KAT6A: variants seen among roughly 807,000 people sequenced by gnomAD.
KAT6A encodes lysine acetyltransferase 6A.
KAT6A carries 9 observed loss-of-function variants against 198.4 expected under a neutral mutation model. The observed-to-expected ratio is 0.05, with a 90% CI of 0.03 to 0.08. The LOEUF is 0.08. Ranked by LOEUF, KAT6A falls within the 10% of genes least tolerant of loss-of-function variation. The probability of loss-of-function intolerance (pLI) is 1.00; values close to 1 mark genes in which losing one functional copy is unlikely to be tolerated. For synonymous variants in KAT6A, 890 were observed against 883.0 expected (o/e 1.01, Z -0.14); for missense variants, 2,077 against 2,509.9 (o/e 0.83, Z 3.69).
intron 2 of KAT6A, among the ~76,000 whole-genome samples, chr8:41,991,370 C>G (rs1171731010): frequency 2.0e-5 from 3 of 151,856 alleles, no homozygotes; most frequent in Non-Finnish European, 4.4e-5. Flanking sequence ...ATTGAAAGAA[C>G]AGAAAAAAGA....
At position 41,931,299 on chromosome 8, in the gene KAT6A, G is replaced by T. The variant is rs921895948; in HGVS notation, c.*906C>A. 3.2e-5 allele frequency: 7 copies of T among 218,490 alleles called. No individual in the cohort carries two copies. The highest frequency in any genetic ancestry group is 1.6e-4 in the African/African-American group (7 of 44,398). The allele number at this position is 218,490 out of a possible 1,614,324, so 13.5% of individuals were successfully genotyped here. ...TGTGTGCGTTATGGCTGATTCACCA[G>T]GTGGTAAAAAAACAAGAGGTTAATC... On this transcript the variant is annotated 3_prime_UTR_variant, in exon 17 of 17. Transcript: ENST00000265713.
At chr8:42,017,161 G>GT (rs1826314244) in intron 2 of KAT6A, among the ~76,000 whole-genome samples, 1 of 152,168 alleles carries the variant, frequency 6.6e-6, no homozygotes, top group Non-Finnish European at 1.5e-5. Context: ...CTGGCACATA[G>GT]TAATAAGCAC....
At position 41,977,105 on chromosome 8, in the gene KAT6A, A is replaced by G. The variant is rs1824093040; in HGVS notation, c.1266T>C (p.Asp422=). ...CCACTTCCCCCCGAGCTTTCCGCCC[A>G]TCAGGGGAAGGGGTAAAAAATTTGG... ...GLTKFFTPSP[D]GRKARGEVVD... is the part of the protein sequence containing the mutation. The change falls in exon 7 of 17, where the codon GAT becomes GAC. Residue 422 remains aspartate (D), a synonymous_variant. Transcript: ENST00000265713. 1.2e-6 allele frequency: 2 copies of G among 1,614,136 alleles called. No individual in the cohort carries two copies. Among genetic ancestry groups the G allele is most frequent in the South Asian group, 1.1e-5 (1 of 91,076 alleles).
chr8:41,966,787 C>T (rs1002026722), intron 8 of KAT6A, among the ~76,000 whole-genome samples: 1 of 152,042 alleles, frequency 6.6e-6, no homozygotes, highest in African/African-American at 2.4e-5. Context: ...TAGCACATGC[C>T]TAATGATTTT....
intron 10 of KAT6A, among the ~76,000 whole-genome samples, chr8:41,948,436 G>A (rs1258893244): frequency 2.0e-5 from 3 of 152,114 alleles, no homozygotes; most frequent in East Asian, 1.9e-4. Flanking sequence ...AGCACCAAGC[G>A]GGTTCCTCAA....
intron 9 of KAT6A, among the ~76,000 whole-genome samples, chr8:41,951,995 T>G (rs1053974172): frequency 6.6e-6 from 1 of 152,200 alleles, no homozygotes; most frequent in African/African-American, 2.4e-5. Context: ...CTGTACTGTC[T>G]GGGACCAGGT....
chr8:41,940,348 T>C (rs557590990), intron 15 of KAT6A, among the ~76,000 whole-genome samples: 23 of 152,076 alleles, frequency 1.5e-4, no homozygotes, highest in Non-Finnish European at 3.4e-4. Flanking sequence ...GTGGGGAGAG[T>C]AGAGAGAAAA....
intron 8 of KAT6A, chr8:41,957,288 C>A (rs370375524): frequency 8.9e-6 from 5 of 563,586 alleles, no homozygotes; most frequent in African/African-American, 1.9e-5. Context: ...CCCGCCTCCA[C>A]TCCCAGCTCC....
intron 9 of KAT6A, among the ~76,000 whole-genome samples, chr8:41,953,198 T>A (rs1277046507): frequency 2.0e-5 from 3 of 152,224 alleles, no homozygotes; most frequent in African/African-American, 7.2e-5. Flanking sequence ...AAACAGTTTA[T>A]GATTCCATTC....
At chr8:42,029,218 C>G (rs1460475867) in intron 2 of KAT6A, among the ~76,000 whole-genome samples, 1 of 152,172 alleles carries the variant, frequency 6.6e-6, no homozygotes, top group East Asian at 1.9e-4. Context: ...TTAGAATTCT[C>G]TGTCTTTGTG....
rs1418745690 is a variant in KAT6A at position 41,955,383 on chromosome 8, G to C, written c.1511C>G (p.Pro504Arg). The stretch of plus-strand genomic sequence containing the variant: ...AATGACAGAGGGACAGCGGACTTGT[G>C]GATCAGGGGGACCAGTCACTCCAAC... The part of the protein sequence containing the change: ...QKVGVTGPPD[P>R]QVRCPSVIEF... Residue 504 changes from proline to arginine, a missense_variant, in exon 9 of 17, where the codon CCA becomes CGA. Coordinates refer to ENST00000265713, the MANE Select transcript of KAT6A (RefSeq NM_006766.5). The C allele has an allele frequency of 6.2e-7, 1 of 1,612,430 alleles. No homozygotes were observed. The highest frequency in any genetic ancestry group is 8.5e-7 in the Non-Finnish European group (1 of 1,179,152).
intron 3 of KAT6A, among the ~76,000 whole-genome samples, chr8:41,986,571 A>G (rs1339777426): frequency 6.6e-6 from 1 of 152,160 alleles, no homozygotes; most frequent in Non-Finnish European, 1.5e-5. Flanking sequence ...AAACCCACAG[A>G]AAGTGTTTTA....
chr8:41,967,321 G>A (rs1286443667), intron 8 of KAT6A, among the ~76,000 whole-genome samples: 2 of 88,250 alleles, frequency 2.3e-5, no homozygotes, highest in East Asian at 2.5e-4. Context: ...TATACTTTAA[G>A]TTTTAGGGTA....
At chr8:41,994,684 T>C (rs183077042) in intron 2 of KAT6A, among the ~76,000 whole-genome samples, 106 of 152,294 alleles carry the variant, frequency 7.0e-4, no homozygotes, top group South Asian at 3.9e-3. Flanking sequence ...GTATATCTTA[T>C]TATTTATTCT....
chr8:41,972,940 T>C (rs1564031929), intron 8 of KAT6A, among the ~76,000 whole-genome samples: 1 of 152,316 alleles, frequency 6.6e-6, no homozygotes, highest in East Asian at 1.9e-4. Context: ...AGAGTACCTA[T>C]AATAACTCAC....
chr8:41,963,642 C>G (rs1823317373), intron 8 of KAT6A, among the ~76,000 whole-genome samples: 1 of 152,182 alleles, frequency 6.6e-6, no homozygotes, highest in Non-Finnish European at 1.5e-5. Flanking sequence ...CTCAGGTGTT[C>G]CTCAATCCAT....
chr8:41,986,084 G>T (rs1042661644), intron 3 of KAT6A, among the ~76,000 whole-genome samples: 4 of 152,132 alleles, frequency 2.6e-5, no homozygotes, highest in African/African-American at 9.7e-5. Flanking sequence ...GGGACTACAG[G>T]TGCGAACCAC....
chr8:41,942,107 T>TA lies in KAT6A; in HGVS notation c.2437-664dup, dbSNP rs1315520187. The TA allele has an allele frequency of 3.3e-4, 66 of 197,654 alleles. No homozygotes were observed. The East Asian group carries it at 4.7e-3, about 14-fold the overall frequency. The allele number at this position is 197,654 out of a possible 1,614,324, so 12.2% of individuals were successfully genotyped here. A position where few individuals can be genotyped will look rare whatever the true frequency, so the allele number is the denominator to read the frequency against. On this transcript the variant is annotated intron_variant, in intron 14 of 16. Transcript: ENST00000265713. ...GGTGTTGAAAGGATGAAGCACTGCT[T>TA]AAAAAAAAGAGCTATAAAAGTATGC...
intron 14 of KAT6A, among the ~76,000 whole-genome samples, chr8:41,941,790 ATG>A (rs1243005438): frequency 6.6e-6 from 1 of 152,190 alleles, no homozygotes; most frequent in Non-Finnish European, 1.5e-5. Context: ...TCCAGAGCCT[ATG>A]TTCTGAATCT....
Sources: gnomAD v4.1 joint callset for allele counts (sites outside exome capture counted in the v4.1 genomes callset) on GRCh38, gnomAD v4.1.1 for gene constraint, MANE v1.5 for transcripts, NCBI Gene and HGNC (gene_info 2026-07-23, HGNC 2026-07-21) for gene names.